Variants in PTGES3L observed in about 807,000 individuals in gnomAD.
PTGES3L encodes the protein putative protein PTGES3L.
In PTGES3L, 17 loss-of-function variants were observed where a neutral mutation model predicts 25.0. The ratio of observed to expected loss-of-function variants is 0.68; its 90% CI spans 0.47 to 1.02. The LOEUF (loss-of-function observed/expected upper bound fraction) is 1.02, where lower values mean the gene tolerates loss of function less well. Ranked by LOEUF, PTGES3L falls within the 50% of genes least tolerant of loss-of-function variation. PTGES3L has a pLI of 0.00. For missense variants in PTGES3L, 202 were observed against 197.5 expected, an observed-to-expected ratio of 1.02 and a Z score of -0.14; for synonymous variants, 59 against 65.7, an observed-to-expected ratio of 0.90 and a Z score of 0.50.
Position 42,968,532 on chromosome 17 carries a change from GA to G in PTGES3L, c.*615del, listed in dbSNP as rs748426851. 450 of 135,990 alleles carry G rather than the reference GA, an allele frequency of 3.3e-3. No homozygotes were observed. Among genetic ancestry groups the G allele is most frequent in the East Asian group, 4.8e-3 (23 of 4,782 alleles). 8.4% of individuals were successfully genotyped at this position (135,990 alleles called of 1,614,324 possible). On this transcript the variant is annotated 3_prime_UTR_variant, in exon 7 of 7. Coordinates refer to ENST00000591916, the MANE Select transcript of PTGES3L (RefSeq NM_001261430.2). ...GGCGACAGAGCAAGACTCCATCTCG[GA>G]AAAAAAAAAAAAAAGTATAAAGAGA...
chr17:42,972,921 G>A (rs1383938927), intron 4 of PTGES3L, among the ~76,000 whole-genome samples: 2 of 146,916 alleles, frequency 1.4e-5, no homozygotes, highest in Admixed American at 6.7e-5. Flanking sequence ...AGTGATGAGC[G>A]TCTCTGCCCG....
chr17:42,980,042 T>A lies in PTGES3L; in HGVS notation c.8+4A>T. On this transcript the variant is annotated splice_donor_region_variant and intron_variant, in intron 1 of 6. Coordinates refer to ENST00000591916, the MANE Select transcript of PTGES3L (RefSeq NM_001261430.2). ...GGGGGAGCACCGGAGCCGGAAACAC[T>A]CACCGTGCCATTGCGGCTCCCGCTC... 1.3e-6 allele frequency: 2 copies of A among 1,549,808 alleles called. No individual in the cohort carries two copies. Among genetic ancestry groups the A allele is most frequent in the Non-Finnish European group, 1.7e-6 (2 of 1,146,362 alleles).
chr17:42,969,193 G>C lies in PTGES3L; in HGVS notation c.433-7C>G, dbSNP rs1230718990. ...CAGCACTGTCAGAATCATCCTGGGG[G>C]CGGGGGGGAAAAAAGACAAAGCACC... On this transcript the variant is annotated splice_polypyrimidine_tract_variant and splice_region_variant and intron_variant, in intron 6 of 6. Transcript: ENST00000591916. The C allele has an allele frequency of 9.5e-7, 1 of 1,052,276 alleles. No homozygotes were observed. Among genetic ancestry groups the C allele is most frequent in the Non-Finnish European group, 1.3e-6 (1 of 770,752 alleles). The allele number at this position is 1,052,276 out of a possible 1,614,324, so 65.2% of individuals were successfully genotyped here.
chr17:42,976,743 C>A (rs1177037808), intron 4 of PTGES3L, among the ~76,000 whole-genome samples: 1 of 152,136 alleles, frequency 6.6e-6, no homozygotes, highest in East Asian at 1.9e-4. Context: ...AGCCATCAGG[C>A]AGTCAGTTTT....
intron 4 of PTGES3L, among the ~76,000 whole-genome samples, chr17:42,974,861 G>A (rs991990117): frequency 1.3e-5 from 2 of 151,690 alleles, no homozygotes; most frequent in African/African-American, 2.4e-5. Flanking sequence ...CTGGCCGGGC[G>A]CAGTGGCTAT....
At chr17:42,979,353 C>T in intron 3 of PTGES3L, 25 bp downstream of exon 3, 1 of 1,614,156 alleles carries the variant, frequency 6.2e-7, no homozygotes, top group Non-Finnish European at 8.5e-7. Flanking sequence ...TCCATCCAAA[C>T]CTTACTGTCC....
At position 42,973,380 on chromosome 17, in the gene PTGES3L, GC is replaced by G. The variant is rs1597738573; in HGVS notation, c.289-1685del. On this transcript the variant is annotated intron_variant, in intron 4 of 6. Coordinates refer to ENST00000591916, the MANE Select transcript of PTGES3L (RefSeq NM_001261430.2). ...TCCGGGAGGGAAGTGGGGGGGGTCAGCCCCCTGCCCGGCCAGCCGCCCCGTC... is the reference window on the plus strand; with the variant it reads ...TCCGGGAGGGAAGTGGGGGGGGTCAGCCCCTGCCCGGCCAGCCGCCCCGTC... Among the ~76,000 whole-genome samples, 3 of 137,394 alleles carry G rather than the reference GC, an allele frequency of 2.2e-5. No individual in the cohort carries two copies. In the East Asian group the frequency reaches 6.7e-4, roughly 30 times the overall value. The allele number at this position is 137,394 out of a possible 152,430, so 90.1% of individuals were successfully genotyped here. A position where few individuals can be genotyped will look rare whatever the true frequency, so the allele number is the denominator to read the frequency against.
intron 4 of PTGES3L, among the ~76,000 whole-genome samples, chr17:42,974,499 G>A (rs2049918800): frequency 6.6e-6 from 1 of 151,958 alleles, no homozygotes; most frequent in Admixed American, 6.6e-5. Context: ...TTGGCCAGGT[G>A]CAGTGGCTAA....
chr17:42,978,832 C>A (rs947817322), intron 4 of PTGES3L, among the ~76,000 whole-genome samples: 1 of 152,012 alleles, frequency 6.6e-6, no homozygotes, highest in Non-Finnish European at 1.5e-5. Context: ...GAAACCCCAT[C>A]TCTACTAAAA....
At chr17:42,969,993 G>A (rs560294944) in intron 6 of PTGES3L, among the ~76,000 whole-genome samples, 13 of 152,124 alleles carry the variant, frequency 8.5e-5, no homozygotes, top group Non-Finnish European at 1.8e-4. Flanking sequence ...TGGGCGTGGT[G>A]GCAGGCACCT....
chr17:42,977,381 ACGCCACTGCAC>A (rs2049972631), intron 4 of PTGES3L, among the ~76,000 whole-genome samples: 1 of 150,378 alleles, frequency 6.6e-6, no homozygotes, highest in South Asian at 2.1e-4. Context: ...AGCTGAGATC[ACGCCACTGCAC>A]TCCAGCCTGG....
chr17:42,969,444 C>G lies in PTGES3L; in HGVS notation c.433-258G>C, dbSNP rs376214175. 4.5e-4 allele frequency among the ~76,000 whole-genome samples: 57 copies of G among 126,332 alleles called. No homozygotes were observed. The Middle Eastern group carries it at 0.016, about 37-fold the overall frequency. 82.9% of individuals were successfully genotyped at this position (126,332 alleles called of 152,430 possible). ...TTTTTTTTGAGACAGGGTCTTGCTTCATCACCCAGCTGCAGTGCAGTGGCA... is the reference window on the plus strand; with the variant it reads ...TTTTTTTTGAGACAGGGTCTTGCTTGATCACCCAGCTGCAGTGCAGTGGCA... On this transcript the variant is annotated intron_variant, in intron 6 of 6. Transcript: ENST00000591916.
chr17:42,978,100 A>AAC (rs377110391), intron 4 of PTGES3L, among the ~76,000 whole-genome samples: 1 of 142,352 alleles, frequency 7.0e-6, no homozygotes, highest in African/African-American at 2.6e-5. Context: ...AAAAAAAAAA[A>AAC]CAGAAAGAAA....
chr17:42,978,731 T>G (rs2151952852), intron 4 of PTGES3L, among the ~76,000 whole-genome samples: 1 of 152,244 alleles, frequency 6.6e-6, no homozygotes, highest in Non-Finnish European at 1.5e-5. Flanking sequence ...CCAGGCGCGG[T>G]GGCTCACGCC....
chr17:42,971,770 G>A, intron 4 of PTGES3L, 74 bp from the exon 5 acceptor site: 1 of 1,510,626 alleles, frequency 6.6e-7, no homozygotes, highest in Non-Finnish European at 9.2e-7. Flanking sequence ...GTGGGCATAT[G>A]CATGGGAGCA....
rs539352600 is a variant in PTGES3L, at chr17:42,970,274, G to A, written c.432+15C>T. On this transcript the variant is annotated intron_variant, in intron 6 of 6. Transcript: ENST00000591916. ...TACAAAGAAACTGAAGGGTTGAGGG[G>A]AAGGCTTTACTTACATCCAAATCAT... 11 of 1,613,792 alleles carry A rather than the reference G, an allele frequency of 6.8e-6. No homozygotes were observed. Among genetic ancestry groups the A allele is most frequent in the Non-Finnish European group, 9.3e-6 (11 of 1,179,862 alleles).
At position 42,979,171 on chromosome 17, in the gene PTGES3L, T is replaced by G. The variant is rs2050023459; in HGVS notation, c.287A>C (p.Lys96Thr). Residue 96 changes from lysine to threonine, a missense_variant and splice_region_variant, in exon 4 of 7, where the codon AAG becomes ACG. By Grantham distance (78) the Lys-to-Thr change is moderately conservative. Coordinates refer to ENST00000591916, the MANE Select transcript of PTGES3L (RefSeq NM_001261430.2). ...GCAGGCCACTTTCCACACACCCACCTTGATATCCTCCTTGGTAAGCCGCGG... is the reference window on the plus strand; with the variant it reads ...GCAGGCCACTTTCCACACACCCACCGTGATATCCTCCTTGGTAAGCCGCGG... The part of the protein sequence containing the change: ...AWPRLTKEDI[K>T]PVWLSVDFDN... The G allele has an allele frequency of 1.2e-6, 2 of 1,614,188 alleles. No individual in the cohort carries two copies. Among genetic ancestry groups the G allele is most frequent in the Non-Finnish European group, 1.7e-6 (2 of 1,180,026 alleles).
intron 4 of PTGES3L, among the ~76,000 whole-genome samples, chr17:42,974,058 A>G (rs546047304): frequency 3.2e-4 from 48 of 152,254 alleles, no homozygotes; most frequent in African/African-American, 1.1e-3. Context: ...GAGTCAACCA[A>G]TAAGACAGAC....
At chr17:42,979,982 G>A in intron 1 of PTGES3L, 64 bp downstream of exon 1, 3 of 1,504,394 alleles carry the variant, frequency 2.0e-6, no homozygotes, top group Non-Finnish European at 2.7e-6. Context: ...GCGCCCAGAA[G>A]ACTTGGAGCA....
Sources: gnomAD v4.1 joint callset for allele counts (sites outside exome capture counted in the v4.1 genomes callset) on GRCh38, gnomAD v4.1.1 for gene constraint, MANE v1.5 for transcripts, NCBI Gene and HGNC (gene_info 2026-07-23, HGNC 2026-07-21) for gene names.